Variants in SDK1 observed in about 807,000 individuals in gnomAD.
The protein encoded by SDK1 is sidekick cell adhesion molecule 1.
Under a neutral mutation model 245.5 loss-of-function variants are expected in SDK1, and 157 were observed. That is an observed-to-expected ratio of 0.64 (90% CI 0.56 to 0.73). The LOEUF (loss-of-function observed/expected upper bound fraction) is 0.73, where lower values mean the gene tolerates loss of function less well. SDK1 is among the 30% of genes least tolerant of loss of function. SDK1 has a pLI of 0.00. For synonymous variants in SDK1, 1,647 were observed against 1,278.5 expected, an observed-to-expected ratio of 1.29 and a Z score of -6.15; for missense variants, 3,583 against 3,002.3, an observed-to-expected ratio of 1.19 and a Z score of -4.52.
Position 3,665,536 on chromosome 7 carries a change from G to A in SDK1, c.713+23431G>A, listed in dbSNP as rs185184383. ...ACATATTGATGTTCAAGAAGTATTTGTTTGGTTGAATGAATGGAGCTTTGT... is the reference window on the plus strand; with the variant it reads ...ACATATTGATGTTCAAGAAGTATTTATTTGGTTGAATGAATGGAGCTTTGT... On this transcript the variant is annotated intron_variant, in intron 4 of 44. Transcript: ENST00000404826. Among the ~76,000 whole-genome samples the A allele has an allele frequency of 6.2e-4, 95 of 152,254 alleles. 1 individual carries two copies. Among genetic ancestry groups the A allele is most frequent in the African/African-American group, 2.2e-3 (93 of 41,548 alleles).
chr7:4,149,498 G>T, intron 30 of SDK1, 35 bp downstream of exon 30: 1 of 1,378,028 alleles, frequency 7.3e-7, no homozygotes, highest in East Asian at 2.9e-5. Context: ...CCCGGGGAAC[G>T]GGGCCCTGGC....
rs549583713 is a variant in SDK1 at position 3,953,975 on chromosome 7, A to G, written c.1150+2055A>G. Among the ~76,000 whole-genome samples the G allele has an allele frequency of 2.6e-5, 4 of 152,284 alleles. No individual in the cohort carries two copies. The East Asian group carries it at 7.7e-4, about 29-fold the overall frequency. On this transcript the variant is annotated intron_variant, in intron 7 of 44. Transcript: ENST00000404826. ...ATCCCACGCCCTGTGGCCGAGCATT[A>G]TTGGTTTCACAGGGCTGTCACCATG...
intron 5 of SDK1, among the ~76,000 whole-genome samples, chr7:3,924,067 C>A (rs535244938): frequency 6.6e-6 from 1 of 151,072 alleles, no homozygotes; most frequent in East Asian, 1.9e-4. Flanking sequence ...ATGGGAGGCT[C>A]AAATCACCTG....
intron 1 of SDK1, among the ~76,000 whole-genome samples, chr7:3,442,698 A>G (rs1017096195): frequency 4.6e-5 from 7 of 152,188 alleles, no homozygotes; most frequent in African/African-American, 1.7e-4. Flanking sequence ...AAAGTGAGTA[A>G]TTGTACAAGT....
intron 5 of SDK1, among the ~76,000 whole-genome samples, chr7:3,848,475 G>A (rs1204271246): frequency 6.6e-6 from 1 of 152,140 alleles, no homozygotes; most frequent in Non-Finnish European, 1.5e-5. Flanking sequence ...GGAGTAGCTG[G>A]AGTCAGGCAG....
chr7:3,516,113 A>G (rs1583984504), intron 1 of SDK1, among the ~76,000 whole-genome samples: 1 of 120,482 alleles, frequency 8.3e-6, no homozygotes, highest in South Asian at 2.8e-4. Flanking sequence ...TTCAGAAGAT[A>G]TTTTCTTTTT....
intron 43 of SDK1, among the ~76,000 whole-genome samples, chr7:4,244,098 G>C (rs1459278203): frequency 6.6e-6 from 1 of 152,136 alleles, no homozygotes; most frequent in African/African-American, 2.4e-5. Flanking sequence ...GGCACACCCT[G>C]GGGGAGACAA....
chr7:3,384,790 G>A lies in SDK1; in HGVS notation c.298+82906G>A, dbSNP rs75747708. ...ATACATCAATATGTACATTTGAAGC[G>A]TATATGCACACTTACATAGGTACAC... On this transcript the variant is annotated intron_variant, in intron 1 of 44. Coordinates refer to ENST00000404826, the MANE Select transcript of SDK1 (RefSeq NM_152744.4). 4.5e-3 allele frequency among the ~76,000 whole-genome samples: 686 copies of A among 152,296 alleles called. 10 individuals carry two copies. The highest frequency in any genetic ancestry group is 0.018 in the South Asian group (87 of 4,822).
chr7:4,145,787 G>A lies in SDK1; in HGVS notation c.4294G>A (p.Ala1432Thr), dbSNP rs771006517. The change falls in exon 29 of 45, where the codon GCC (alanine) becomes ACC (threonine). Residue 1432 changes from alanine to threonine, a missense_variant. Transcript: ENST00000404826. Reference sequence around the variant, plus strand: ...CACCTTCACCACCGTGGAGGTCGGCGCCACAGTGAGGCAGTTCACAGCCAC... The same window carrying A: ...CACCTTCACCACCGTGGAGGTCGGCACCACAGTGAGGCAGTTCACAGCCAC... Reference protein sequence around the residue: ...PHTFTTVEVGATVRQFTATDL... With the variant: ...PHTFTTVEVGTTVRQFTATDL... 3.8e-5 allele frequency: 61 copies of A among 1,613,594 alleles called. No homozygotes were observed. The highest frequency in any genetic ancestry group is 1.5e-4 in the Admixed American group (9 of 59,958).
At chr7:4,103,900 TCAGTTCCAGCTCCG>T (rs1345399134) in intron 22 of SDK1, among the ~76,000 whole-genome samples, 2 of 152,252 alleles carry the variant, frequency 1.3e-5, no homozygotes, top group African/African-American at 4.8e-5. Flanking sequence ...TCAGACGCTC[TCAGTTCCAGCTCCG>T]CAGTTCGGCT....
intron 1 of SDK1, among the ~76,000 whole-genome samples, chr7:3,593,755 G>C (rs1780964421): frequency 1.3e-5 from 2 of 152,174 alleles, no homozygotes; most frequent in Admixed American, 1.3e-4. Context: ...ATACGCAAGA[G>C]GGCATATGGC....
At chr7:3,457,046 T>C (rs1780692018) in intron 1 of SDK1, among the ~76,000 whole-genome samples, 1 of 152,156 alleles carries the variant, frequency 6.6e-6, no homozygotes, top group African/African-American at 2.4e-5. Context: ...CTGGGAACTT[T>C]AATGGGGGAA....
chr7:3,494,978 T>A lies in SDK1; in HGVS notation c.299-124102T>A, dbSNP rs187611904. 2.4e-3 allele frequency among the ~76,000 whole-genome samples: 371 copies of A among 152,338 alleles called. 3 individuals carry two copies. The highest frequency in any genetic ancestry group is 0.018 in the South Asian group (87 of 4,826). On this transcript the variant is annotated intron_variant, in intron 1 of 44. Transcript: ENST00000404826. ...TTATTTCTTATGGGTTAACAGTTAGTGCAGCTGTTATCTCCTGTCAGAACC... is the reference window on the plus strand; with the variant it reads ...TTATTTCTTATGGGTTAACAGTTAGAGCAGCTGTTATCTCCTGTCAGAACC...
At chr7:3,754,632 C>CGGATT in intron 4 of SDK1, among the ~76,000 whole-genome samples, 1 of 143,856 alleles carries the variant, frequency 7.0e-6, no homozygotes, top group East Asian at 2.1e-4. Context: ...AAGTTCTCCC[C>CGGATT]GGATTGCTGA....
At chr7:3,749,809 A>G (rs1014414568) in intron 4 of SDK1, among the ~76,000 whole-genome samples, 44 of 152,222 alleles carry the variant, frequency 2.9e-4, no homozygotes, top group African/African-American at 1.0e-3. Context: ...TACAAATCCC[A>G]AGGCAGAAGC....
At chr7:4,203,081 G>A (rs962261835) in intron 35 of SDK1, among the ~76,000 whole-genome samples, 2 of 152,242 alleles carry the variant, frequency 1.3e-5, no homozygotes, top group Non-Finnish European at 2.9e-5. Context: ...CCTTGCTGCC[G>A]TTTGGGGCTT....
intron 1 of SDK1, among the ~76,000 whole-genome samples, chr7:3,348,185 C>T (rs1780559316): frequency 6.6e-6 from 1 of 152,126 alleles, no homozygotes. Context: ...ATAGCCCAGG[C>T]TTACTGCTTG....
intron 17 of SDK1, among the ~76,000 whole-genome samples, chr7:4,036,386 G>T (rs1006987297): frequency 4.6e-5 from 7 of 152,230 alleles, no homozygotes; most frequent in South Asian, 4.2e-4. Context: ...TTTAATATCA[G>T]GTATTTCAAA....
intron 4 of SDK1, among the ~76,000 whole-genome samples, chr7:3,696,734 T>C (rs1201025729): frequency 6.6e-6 from 1 of 152,146 alleles, no homozygotes; most frequent in Admixed American, 6.5e-5. Context: ...TGAAATAATA[T>C]ATATTTAATT....
Sources: allele counts gnomAD v4.1 joint callset (sites outside exome capture counted in the v4.1 genomes callset), GRCh38; gene constraint gnomAD v4.1.1; transcripts MANE v1.5; gene names NCBI Gene and HGNC (gene_info 2026-07-23, HGNC 2026-07-21).